RPL10A: variants seen among roughly 807,000 people sequenced by gnomAD.
The protein encoded by RPL10A is large ribosomal subunit protein uL1.
RPL10A carries 11 observed loss-of-function variants against 24.6 expected under a neutral mutation model. The ratio of observed to expected loss-of-function variants is 0.45; its 90% confidence interval spans 0.28 to 0.74. The LOEUF is 0.74. Among genes scored for constraint, RPL10A ranks in the 30% least tolerant of loss-of-function variants. RPL10A has a pLI of 0.13. For missense variants in RPL10A, 136 were observed against 273.1 expected (o/e 0.50, Z 3.54); for synonymous variants, 98 against 108.5 (o/e 0.90, Z 0.60).
chr6:35,469,588 T>C, intron 4 of RPL10A, 59 bp downstream of exon 4: 2 of 1,525,564 alleles, frequency 1.3e-6, no homozygotes, highest in African/African-American at 1.4e-5. Flanking sequence ...GTAGAAAGGC[T>C]TTTCTGCCAT....
chr6:35,469,256 G>A (rs1000818583), intron 3 of RPL10A, 125 bp from the exon 4 acceptor site: 4 of 1,500,542 alleles, frequency 2.7e-6, no homozygotes, highest in African/African-American at 1.4e-5. Context: ...GAGAAGCCAG[G>A]CTGGCTGCTG....
chr6:35,468,529 C>T (rs1003951962), intron 1 of RPL10A, 90 bp downstream of exon 1: 14 of 1,609,752 alleles, frequency 8.7e-6, no homozygotes, highest in Non-Finnish European at 1.1e-5. Flanking sequence ...CGCCGCGGAC[C>T]CTTGCGCCAC....
Position 35,470,554 on chromosome 6 carries a change from C to A in RPL10A, c.484-26C>A. ...ATCTGCTATTCGTCCACCAACCTGACTTGATCCTCTCTTCCCTCCTCCCAG... is the reference window on the plus strand; with the variant it reads ...ATCTGCTATTCGTCCACCAACCTGAATTGATCCTCTCTTCCCTCCTCCCAG... On this transcript the variant is annotated intron_variant, in intron 5 of 5. Coordinates refer to ENST00000322203, the MANE Select transcript of RPL10A (RefSeq NM_007104.5). The surrounding 1 kb of genome is among the most constrained non-coding windows in gnomAD (Gnocchi z 4.6). 6.2e-7 allele frequency: 1 copy of A among 1,607,698 alleles called. No homozygotes were observed. The highest frequency in any genetic ancestry group is 2.2e-5 in the East Asian group (1 of 44,822).
At position 35,470,481 on chromosome 6, in the gene RPL10A, G is replaced by A. The variant is rs772430643; in HGVS notation, c.484-99G>A. On this transcript the variant is annotated intron_variant, in intron 5 of 5. Coordinates refer to ENST00000322203, the MANE Select transcript of RPL10A (RefSeq NM_007104.5). This position sits in a 1 kb window ranked among gnomAD's most constrained non-coding sequence, Gnocchi z 4.6. ...TTTGGAGTAACCCTGGTCTTGGCCCGGGTCCAAGTACCTGCTCACCAGGCC... is the reference window on the plus strand; with the variant it reads ...TTTGGAGTAACCCTGGTCTTGGCCCAGGTCCAAGTACCTGCTCACCAGGCC... 12 of 1,491,596 alleles carry A rather than the reference G, an allele frequency of 8.0e-6. No individual in the cohort carries two copies. Among genetic ancestry groups the A allele is most frequent in the African/African-American group, 4.2e-5 (3 of 72,026 alleles). 92.4% of individuals were successfully genotyped at this position (1,491,596 alleles called of 1,614,324 possible). A position where few individuals can be genotyped will look rare whatever the true frequency, so the allele number is the denominator to read the frequency against.
intron 1 of RPL10A, 88 bp downstream of exon 1, chr6:35,468,527 AC>A: frequency 6.2e-7 from 1 of 1,609,592 alleles, no homozygotes; most frequent in Non-Finnish European, 8.5e-7. Flanking sequence ...CGCGCCGCGG[AC>A]CCTTGCGCCA....
At position 35,470,045 on chromosome 6, in the gene RPL10A, G is replaced by C. The variant is rs1487161094; in HGVS notation, c.311-134G>C. On this transcript the variant is annotated intron_variant, in intron 4 of 5. Transcript: ENST00000322203. The surrounding 1 kb of genome is among the most constrained non-coding windows in gnomAD (Gnocchi z 4.6). ...CGTTTGGGCTAGGGAAAAGACTGAG[G>C]CGGGGTCTTAGAGAGGGTGCTGCTT... 1.3e-6 allele frequency: 1 copy of C among 757,732 alleles called. No individual in the cohort carries two copies. Among genetic ancestry groups the C allele is most frequent in the African/African-American group, 1.8e-5 (1 of 56,048 alleles). The allele number at this position is 757,732 out of a possible 1,614,324, so 46.9% of individuals were successfully genotyped here.
chr6:35,469,072 T>A (rs972744832), intron 3 of RPL10A, 45 bp downstream of exon 3: 1 of 1,606,216 alleles, frequency 6.2e-7, no homozygotes, highest in Non-Finnish European at 8.5e-7. Flanking sequence ...GCCCCCGTGC[T>A]TGCCCCTCCC....
chr6:35,470,495 G>C lies in RPL10A; in HGVS notation c.484-85G>C. On this transcript the variant is annotated intron_variant, in intron 5 of 5. Coordinates refer to ENST00000322203, the MANE Select transcript of RPL10A (RefSeq NM_007104.5). The surrounding 1 kb of genome is among the most constrained non-coding windows in gnomAD (Gnocchi z 4.6). ...GGTCTTGGCCCGGGTCCAAGTACCT[G>C]CTCACCAGGCCACTGGGGGAGGAAG... is the stretch of plus-strand genomic sequence containing the variant. 1 of 1,506,058 alleles carries C rather than the reference G, an allele frequency of 6.6e-7. No homozygotes were observed. The highest frequency in any genetic ancestry group is 9.1e-7 in the Non-Finnish European group (1 of 1,099,040). The allele number at this position is 1,506,058 out of a possible 1,614,324, so 93.3% of individuals were successfully genotyped here. A position where few individuals can be genotyped will look rare whatever the true frequency, so the allele number is the denominator to read the frequency against.
chr6:35,469,363 C>G lies in RPL10A; in HGVS notation c.162-18C>G. 6.3e-7 allele frequency: 1 copy of G among 1,590,478 alleles called. No individual in the cohort carries two copies. Among genetic ancestry groups the G allele is most frequent in the South Asian group, 1.1e-5 (1 of 87,510 alleles). ...CAGGGCTAGGCGTAACCTGTTGGTG[C>G]TGTCCCCCAAAACGCAGGCTTAAGT... On this transcript the variant is annotated intron_variant, in intron 3 of 5. Coordinates refer to ENST00000322203, the MANE Select transcript of RPL10A (RefSeq NM_007104.5).
rs1768009312 is a variant in RPL10A at position 35,470,455 on chromosome 6, T to C, written c.483+104T>C. ...TAAGAGCACCCACCAGGATTGAAACTTTTGGAGTAACCCTGGTCTTGGCCC... is the reference window on the plus strand; with the variant it reads ...TAAGAGCACCCACCAGGATTGAAACCTTTGGAGTAACCCTGGTCTTGGCCC... On this transcript the variant is annotated intron_variant, in intron 5 of 5. Coordinates refer to ENST00000322203, the MANE Select transcript of RPL10A (RefSeq NM_007104.5). The surrounding 1 kb of genome is among the most constrained non-coding windows in gnomAD (Gnocchi z 4.6). 1 of 1,502,174 alleles carries C rather than the reference T, an allele frequency of 6.7e-7. No individual in the cohort carries two copies. Among genetic ancestry groups the C allele is most frequent in the African/African-American group, 1.4e-5 (1 of 72,264 alleles). 93.1% of individuals were successfully genotyped at this position (1,502,174 alleles called of 1,614,324 possible). A position where few individuals can be genotyped will look rare whatever the true frequency, so the allele number is the denominator to read the frequency against.
At position 35,470,067 on chromosome 6, in the gene RPL10A, G is replaced by A; in HGVS notation, c.311-112G>A. 2 of 983,968 alleles carry A rather than the reference G, an allele frequency of 2.0e-6. No homozygotes were observed. The highest frequency in any genetic ancestry group is 4.4e-4 in the Middle Eastern group (2 of 4,584). 61.0% of individuals were successfully genotyped at this position (983,968 alleles called of 1,614,324 possible). A position where few individuals can be genotyped will look rare whatever the true frequency, so the allele number is the denominator to read the frequency against. On this transcript the variant is annotated intron_variant, in intron 4 of 5. Transcript: ENST00000322203. The surrounding 1 kb of genome is among the most constrained non-coding windows in gnomAD (Gnocchi z 4.6). The stretch of plus-strand genomic sequence containing the variant: ...GAGGCGGGGTCTTAGAGAGGGTGCT[G>A]CTTGGAGGTCACTTACATGATTGAT...
chr6:35,469,181 C>T (rs1215081061), intron 3 of RPL10A, 154 bp downstream of exon 3: 31 of 1,466,342 alleles, frequency 2.1e-5, no homozygotes, highest in Non-Finnish European at 2.6e-5. Flanking sequence ...GACGGACCCC[C>T]ACCCTGGGTC....
Position 35,468,858 on chromosome 6 carries a change from A to T in RPL10A, c.65A>T (p.Gln22Leu). ...GTGCGGGAAGTCCTGCACGGGAACC[A>T]GCGCAAGCGCCGCAAGTGAGTGCCG... ...EAVREVLHGN[Q>L]RKRRKFLETV... Residue 22 changes from glutamine to leucine, a missense_variant, in exon 2 of 6, where the codon CAG becomes CTG. Gln to Leu is a moderately radical substitution (Grantham distance 113, BLOSUM62 -2). Coordinates refer to ENST00000322203, the MANE Select transcript of RPL10A (RefSeq NM_007104.5). 2 of 1,612,640 alleles carry T rather than the reference A, an allele frequency of 1.2e-6. No individual in the cohort carries two copies. Among genetic ancestry groups the T allele is most frequent in the Non-Finnish European group, 1.7e-6 (2 of 1,179,406 alleles).
In RPL10A at chr6:35,470,744, A is replaced by G. The variant is rs1341343922; in HGVS notation, c.648A>G (p.Leu216=). 3.1e-6 allele frequency: 5 copies of G among 1,601,308 alleles called. No individual in the cohort carries two copies. The highest frequency in any genetic ancestry group is 2.7e-5 in the African/African-American group (2 of 75,000). The part of the protein sequence containing the change: ...IKSTMGKPQR[L]Y ...GCACCATGGGCAAGCCCCAGCGCCT[A>G]TATTAAGGCACATTTGAATAAATTC... The change falls in exon 6 of 6, where the codon CTA becomes CTG. Residue 216 remains leucine, a synonymous_variant. Coordinates refer to ENST00000322203, the MANE Select transcript of RPL10A (RefSeq NM_007104.5). The surrounding 1 kb of genome is among the most constrained non-coding windows in gnomAD (Gnocchi z 4.6).
At chr6:35,469,294 C>T (rs1389483974) in intron 3 of RPL10A, 87 bp from the exon 4 acceptor site, 4 of 1,510,610 alleles carry the variant, frequency 2.6e-6, no homozygotes, top group Admixed American at 2.3e-5. Flanking sequence ...GGGTAAGGCT[C>T]GGTGGCTGCT....
At chr6:35,468,463 T>A (rs202137491) in intron 1 of RPL10A, 24 bp downstream of exon 1, 1 of 1,613,772 alleles carries the variant, frequency 6.2e-7, no homozygotes, top group East Asian at 2.2e-5. Context: ...GAAAGCCCTA[T>A]CCGCGTTCAT....
intron 3 of RPL10A, 28 bp downstream of exon 3, chr6:35,469,055 C>T (rs1561799479): frequency 3.7e-6 from 6 of 1,610,184 alleles, no homozygotes; most frequent in Non-Finnish European, 5.1e-6. Context: ...CCCACCCAGC[C>T]CTCAGTGCCC....
Position 35,470,525 on chromosome 6 carries a change from GGCCATCT to G in RPL10A, c.484-52_484-46del. ...CCAGGCCACTGGGGGAGGAAGGACA[GGCCATCT>G]GCTATTCGTCCACCAACCTGACTTG... is the stretch of plus-strand genomic sequence containing the variant. On this transcript the variant is annotated intron_variant, in intron 5 of 5. Coordinates refer to ENST00000322203, the MANE Select transcript of RPL10A (RefSeq NM_007104.5). The surrounding 1 kb of genome is among the most constrained non-coding windows in gnomAD (Gnocchi z 4.6). The G allele has an allele frequency of 6.4e-7, 1 of 1,562,056 alleles. No individual in the cohort carries two copies. The highest frequency in any genetic ancestry group is 1.3e-5 in the African/African-American group (1 of 74,086).
Position 35,468,845 on chromosome 6 carries a change from C to T in RPL10A, c.52C>T (p.Leu18=), listed in dbSNP as rs754471668. ...CCTGTACGAGGCGGTGCGGGAAGTC[C>T]TGCACGGGAACCAGCGCAAGCGCCG... ...DTLYEAVREV[L]HGNQRKRRKF... is the part of the protein sequence containing the mutation. The change falls in exon 2 of 6, where the codon CTG becomes TTG. Residue 18 remains leucine (L), a synonymous_variant. Transcript: ENST00000322203. 3.7e-6 allele frequency: 6 copies of T among 1,611,962 alleles called. No individual in the cohort carries two copies. Among genetic ancestry groups the T allele is most frequent in the East Asian group, 2.2e-5 (1 of 44,814 alleles).
Sources: allele counts gnomAD v4.1 joint callset, GRCh38; gene constraint gnomAD v4.1.1; non-coding constraint Gnocchi (gnomAD v3.1); transcripts MANE v1.5; gene names NCBI Gene and HGNC (gene_info 2026-07-23, HGNC 2026-07-21).